The following UBR1 variants were observed in gnomAD, a reference collection of about 807,000 sequenced individuals.
UBR1 encodes the protein E3 ubiquitin-protein ligase UBR1.
Under a neutral mutation model 242.1 loss-of-function variants are expected in UBR1, and 102 were observed. The observed-to-expected ratio is 0.42, with a 90% CI of 0.36 to 0.50. The LOEUF is 0.50. Ranked by LOEUF, UBR1 falls within the 20% of genes least tolerant of loss-of-function variation. The pLI is 0.01. For missense variants in UBR1, 1,772 were observed against 2,101.8 expected (o/e 0.84, Z 3.07); for synonymous variants, 675 against 684.8 (o/e 0.99, Z 0.22).
chr15:43,016,454 T>C (rs2033025533), intron 28 of UBR1, among the ~76,000 whole-genome samples: 1 of 152,234 alleles, frequency 6.6e-6, no homozygotes, highest in Non-Finnish European at 1.5e-5. Flanking sequence ...TGCATTTCAT[T>C]GAATCTAAGA....
At chr15:43,069,273 T>C (rs548970690) in intron 5 of UBR1, among the ~76,000 whole-genome samples, 1 of 151,810 alleles carries the variant, frequency 6.6e-6, no homozygotes, top group African/African-American at 2.4e-5. Context: ...GCTACATATG[T>C]GTTCAGTATT....
At chr15:42,992,002 T>C (rs903335944) in intron 33 of UBR1, among the ~76,000 whole-genome samples, 3 of 152,178 alleles carry the variant, frequency 2.0e-5, no homozygotes, top group Non-Finnish European at 4.4e-5. Context: ...TCTTCCTGCC[T>C]GAACCTCCCA....
At chr15:43,005,166 G>C (rs1338623066) in intron 30 of UBR1, among the ~76,000 whole-genome samples, 1 of 151,750 alleles carries the variant, frequency 6.6e-6, no homozygotes, top group Non-Finnish European at 1.5e-5. Flanking sequence ...GGGAAGTGAA[G>C]AGCCCCTCCG....
intron 33 of UBR1, among the ~76,000 whole-genome samples, chr15:42,996,096 T>A (rs1355988983): frequency 6.6e-6 from 1 of 152,214 alleles, no homozygotes; most frequent in East Asian, 1.9e-4. Flanking sequence ...CCAAATTTTA[T>A]ACAAGGTCAA....
chr15:42,958,611 T>C (rs1374168769), intron 43 of UBR1, among the ~76,000 whole-genome samples: 2 of 152,164 alleles, frequency 1.3e-5, no homozygotes, highest in Non-Finnish European at 2.9e-5. Context: ...TCAAATTAAA[T>C]ATGAATATTA....
chr15:43,058,975 G>T, intron 9 of UBR1, 110 bp downstream of exon 9: 1 of 875,880 alleles, frequency 1.1e-6, no homozygotes, highest in Admixed American at 2.0e-5. Context: ...TATCAATCAA[G>T]ATTACAGATT....
chr15:43,005,892 T>G (rs2032818602), intron 30 of UBR1, among the ~76,000 whole-genome samples: 1 of 149,114 alleles, frequency 6.7e-6, no homozygotes, highest in South Asian at 2.2e-4. Context: ...GAAGGCAGCA[T>G]GCTCGTTAAG....
chr15:43,030,644 A>G (rs189731236), intron 20 of UBR1, among the ~76,000 whole-genome samples: 1 of 152,366 alleles, frequency 6.6e-6, no homozygotes, highest in Admixed American at 6.5e-5. Flanking sequence ...TTTTCATCAC[A>G]ATAAACTGCC....
chr15:43,036,366 T>C (rs950737136), intron 18 of UBR1, 87 bp from the exon 19 acceptor site: 4 of 1,338,472 alleles, frequency 3.0e-6, no homozygotes, highest in Admixed American at 1.7e-5. Context: ...ATTAAAAAGT[T>C]TGCAGAAGAT....
chr15:43,099,408 A>C (rs148738620), intron 1 of UBR1, among the ~76,000 whole-genome samples: 202 of 152,292 alleles, frequency 1.3e-3, no homozygotes, highest in African/African-American at 4.8e-3. Context: ...TTATTGCGTA[A>C]CCATAACAAT....
In UBR1 at chr15:43,106,029, G is replaced by A. The variant is rs747975687; in HGVS notation, c.-7C>T. 1.2e-6 allele frequency: 2 copies of A among 1,609,130 alleles called. No individual in the cohort carries two copies. Among genetic ancestry groups the A allele is most frequent in the Middle Eastern group, 1.7e-4 (1 of 6,056 alleles). On this transcript the variant is annotated 5_prime_UTR_variant, in exon 1 of 47. Coordinates refer to ENST00000290650, the MANE Select transcript of UBR1 (RefSeq NM_174916.3). ...CAGCCTCCTCGTCCGCCATCTTGAGGGAAACTGACGCCTGCAGTTGCCGAC... is the reference window on the plus strand; with the variant it reads ...CAGCCTCCTCGTCCGCCATCTTGAGAGAAACTGACGCCTGCAGTTGCCGAC...
At chr15:42,984,284 CA>C (rs2032427002) in intron 36 of UBR1, among the ~76,000 whole-genome samples, 2 of 152,166 alleles carry the variant, frequency 1.3e-5, no homozygotes. Flanking sequence ...CTGTGTACCA[CA>C]AGTCTTCTAG....
In UBR1 at chr15:43,036,491, T is replaced by C. The variant is rs767103710; in HGVS notation, c.2088+37A>G. The C allele has an allele frequency of 3.9e-5, 57 of 1,455,846 alleles. No individual in the cohort carries two copies. The East Asian group carries it at 1.3e-3, about 32-fold the overall frequency. The allele number at this position is 1,455,846 out of a possible 1,614,324, so 90.2% of individuals were successfully genotyped here. A position where few individuals can be genotyped will look rare whatever the true frequency, so the allele number is the denominator to read the frequency against. On this transcript the variant is annotated intron_variant, in intron 18 of 46. Transcript: ENST00000290650. ...CTTAGAAAGAATTCAAGAAGGAAGA[T>C]GAAGACACAAATATCAGAAACAATT...
intron 1 of UBR1, among the ~76,000 whole-genome samples, chr15:43,104,931 G>A (rs1319871484): frequency 6.6e-6 from 1 of 152,044 alleles, no homozygotes; most frequent in East Asian, 1.9e-4. Flanking sequence ...TCCTGAACTC[G>A]GGAATTTGCA....
At chr15:43,038,280 G>T in intron 15 of UBR1, 48 bp from the exon 16 acceptor site, 1 of 1,546,324 alleles carries the variant, frequency 6.5e-7, no homozygotes, top group Admixed American at 1.7e-5. Flanking sequence ...AACCCAATTT[G>T]TTAACTAGTT....
intron 13 of UBR1, among the ~76,000 whole-genome samples, chr15:43,047,604 T>A (rs544923062): frequency 6.6e-6 from 1 of 152,324 alleles, no homozygotes; most frequent in African/African-American, 2.4e-5. Context: ...AAAGTCAGAC[T>A]CTAAAGAAGT....
At chr15:43,020,214 T>C (rs1219614552) in intron 27 of UBR1, among the ~76,000 whole-genome samples, 1 of 152,124 alleles carries the variant, frequency 6.6e-6, no homozygotes, top group Non-Finnish European at 1.5e-5. Flanking sequence ...TAATTTTTTG[T>C]ATTTTTAGCA....
intron 35 of UBR1, among the ~76,000 whole-genome samples, chr15:42,985,418 T>C (rs1327862900): frequency 6.6e-6 from 1 of 152,116 alleles, no homozygotes; most frequent in Non-Finnish European, 1.5e-5. Flanking sequence ...AATGGCGCGA[T>C]CTCGGCTCAC....
chr15:42,967,914 T>C (rs2032136573), intron 40 of UBR1, among the ~76,000 whole-genome samples: 1 of 150,454 alleles, frequency 6.6e-6, no homozygotes, highest in Non-Finnish European at 1.5e-5. Context: ...TAAATATATA[T>C]AAGATTTTAA....
Sources: gnomAD v4.1 joint callset for allele counts (sites outside exome capture counted in the v4.1 genomes callset) on GRCh38, gnomAD v4.1.1 for gene constraint, MANE v1.5 for transcripts, NCBI Gene and HGNC (gene_info 2026-07-23, HGNC 2026-07-21) for gene names.